CELF2: variants seen among roughly 807,000 people sequenced by gnomAD.
The protein encoded by CELF2 is CUGBP Elav-like family member 2.
A neutral mutation model predicts 62.6 loss-of-function variants in CELF2; 8 were observed. That is an observed-to-expected ratio of 0.13 (90% CI 0.07 to 0.23). CELF2 has a LOEUF of 0.23. Among genes scored for constraint, CELF2 ranks in the 10% least tolerant of loss-of-function variants. The pLI, the probability that CELF2 is intolerant of heterozygous loss-of-function variation, is 1.00. For synonymous variants in CELF2, 258 were observed against 250.0 expected, an observed-to-expected ratio of 1.03 and a Z score of -0.30; for missense variants, 333 against 671.0, an observed-to-expected ratio of 0.50 and a Z score of 5.56.
the CELF2 span, among the ~76,000 whole-genome samples, chr10:10,654,150 C>A: frequency 7.3e-6 from 1 of 136,540 alleles, no homozygotes; most frequent in Non-Finnish European, 1.6e-5. Context: ...CACATACACT[C>A]TCCCAAGACT....
rs1303692770 is a variant in CELF2, at chr10:11,098,170, C to T, written c.75-67316C>T. The T allele has an allele frequency of 6.6e-6, 1 of 152,282 alleles. No individual in the cohort carries two copies. The highest frequency in any genetic ancestry group is 1.5e-5 in the Non-Finnish European group (1 of 68,170). 9.4% of individuals were successfully genotyped at this position (152,282 alleles called of 1,614,324 possible). A position where few individuals can be genotyped will look rare whatever the true frequency, so the allele number is the denominator to read the frequency against. On this transcript the variant is annotated intron_variant, in intron 1 of 12. Transcript: ENST00000633077. This position sits in a 1 kb window ranked among gnomAD's most constrained non-coding sequence, Gnocchi z 4.0. ...GAAGGATGAGGTGTGTTTCGTATGC[C>T]CATATTTTGGATTGGATGGACCAAG...
chr10:10,707,179 A>G, the CELF2 span, among the ~76,000 whole-genome samples: 2 of 152,338 alleles, frequency 1.3e-5, no homozygotes, highest in East Asian at 1.9e-4. Context: ...TGAGTACTCT[A>G]GTAAAACTAT....
At chr10:10,498,295 C>T in the CELF2 span, among the ~76,000 whole-genome samples, 1 of 152,158 alleles carries the variant, frequency 6.6e-6, no homozygotes, top group Admixed American at 6.5e-5. Flanking sequence ...TGCAGACTCA[C>T]AGTAAGGAGA....
intron 1 of CELF2, among the ~76,000 whole-genome samples, chr10:10,809,593 C>T (rs868143691): frequency 2.6e-5 from 4 of 152,226 alleles, no homozygotes; most frequent in South Asian, 2.1e-4. Context: ...AGTATATAAA[C>T]TTAAGCTAAC....
At chr10:11,298,546 T>C (rs1025682607) in intron 9 of CELF2, among the ~76,000 whole-genome samples, 1 of 152,174 alleles carries the variant, frequency 6.6e-6, no homozygotes, top group Non-Finnish European at 1.5e-5. Context: ...TAACAGAGGA[T>C]TTCTAATTAT....
chr10:10,494,768 A>G, the CELF2 span, among the ~76,000 whole-genome samples: 4 of 152,184 alleles, frequency 2.6e-5, no homozygotes, highest in South Asian at 6.2e-4. Context: ...AAAGGCCTCT[A>G]TAAAAAATAA....
the CELF2 span, among the ~76,000 whole-genome samples, chr10:10,699,947 G>A: frequency 2.7e-4 from 41 of 152,258 alleles, no homozygotes; most frequent in African/African-American, 9.4e-4. Context: ...CTACGTAGAA[G>A]CAGCAGAGGC....
At chr10:10,955,909 C>T (rs937408517) in intron 2 of CELF2, among the ~76,000 whole-genome samples, 3 of 152,158 alleles carry the variant, frequency 2.0e-5, no homozygotes, top group Non-Finnish European at 4.4e-5. Context: ...TTGCTAGCAT[C>T]CCATGCCCGA....
chr10:10,811,476 A>C (rs2055880855), intron 1 of CELF2, among the ~76,000 whole-genome samples: 1 of 152,114 alleles, frequency 6.6e-6, no homozygotes, highest in African/African-American at 2.4e-5. Flanking sequence ...TCTCCCACAG[A>C]GATGGGGGGA....
chr10:11,146,481 G>A (rs2062302831), intron 1 of CELF2, among the ~76,000 whole-genome samples: 1 of 152,182 alleles, frequency 6.6e-6, no homozygotes, highest in Non-Finnish European at 1.5e-5. Context: ...ATCTAAACAA[G>A]CAATTTGTTT....
At chr10:10,855,168 T>C (rs1328941044) in intron 1 of CELF2, among the ~76,000 whole-genome samples, 3 of 152,184 alleles carry the variant, frequency 2.0e-5, no homozygotes, top group Non-Finnish European at 2.9e-5. Context: ...ATCAGTTTTC[T>C]CAGTGCTCAC....
At chr10:10,877,764 C>T (rs1177658477) in intron 1 of CELF2, among the ~76,000 whole-genome samples, 1 of 152,192 alleles carries the variant, frequency 6.6e-6, no homozygotes, top group Non-Finnish European at 1.5e-5. Flanking sequence ...CATTTTACTG[C>T]CATCCTTAGA....
chr10:10,691,171 A>T, the CELF2 span, among the ~76,000 whole-genome samples: 1 of 146,400 alleles, frequency 6.8e-6, no homozygotes, highest in African/African-American at 2.6e-5. Flanking sequence ...CCCACCCCAC[A>T]ACAGTCCCCA....
the CELF2 span, among the ~76,000 whole-genome samples, chr10:10,644,914 T>C: frequency 5.4e-4 from 82 of 152,144 alleles, 1 homozygote; most frequent in East Asian, 0.014. Flanking sequence ...ATATTGAAAA[T>C]CTCAGTGACA....
At chr10:10,929,317 T>C (rs1203138729) in intron 2 of CELF2, among the ~76,000 whole-genome samples, 1 of 152,168 alleles carries the variant, frequency 6.6e-6, no homozygotes, top group Non-Finnish European at 1.5e-5. Context: ...ATTTATAACA[T>C]TGGAAGAATT....
intron 1 of CELF2, among the ~76,000 whole-genome samples, chr10:10,809,350 G>A (rs1261201083): frequency 2.0e-5 from 3 of 152,178 alleles, no homozygotes; most frequent in African/African-American, 4.8e-5. Flanking sequence ...CACTTGTACT[G>A]TTTAAGCCAC....
At position 10,997,678 on chromosome 10, in the gene CELF2, G is replaced by A. The variant is rs545464026; in HGVS notation, c.89+77679G>A. 6.6e-4 allele frequency among the ~76,000 whole-genome samples: 100 copies of A among 152,248 alleles called. 1 individual carries two copies. Among genetic ancestry groups the A allele is most frequent in the Non-Finnish European group, 1.3e-3 (86 of 68,014 alleles). On this transcript the variant is annotated intron_variant, in intron 2 of 13. Coordinates refer to the CELF2 transcript ENST00000636488. This position sits in a 1 kb window ranked among gnomAD's most constrained non-coding sequence, Gnocchi z 5.3. ...CTCTAAAAATAGCAAGAATAAATTC[G>A]GTCCCTTTTCCACATAAATATTACA...
chr10:11,173,011 G>A (rs2069475764), intron 2 of CELF2, among the ~76,000 whole-genome samples: 1 of 152,238 alleles, frequency 6.6e-6, no homozygotes, highest in South Asian at 2.1e-4. Context: ...GATTGAAAAA[G>A]TGAAGTCTAG....
Position 11,296,564 on chromosome 10 carries a change from T to C in CELF2, c.976+8012T>C, listed in dbSNP as rs1400264023. 6.6e-6 allele frequency among the ~76,000 whole-genome samples: 1 copy of C among 152,202 alleles called. No homozygotes were observed. Among genetic ancestry groups the C allele is most frequent in the Admixed American group, 6.5e-5 (1 of 15,284 alleles). Reference sequence around the variant, plus strand: ...CTAGTCACAACTTCCCAGAAGCGTATACTGTAAGTTCCATTTCTTCAGACT... The same window carrying C: ...CTAGTCACAACTTCCCAGAAGCGTACACTGTAAGTTCCATTTCTTCAGACT... On this transcript the variant is annotated intron_variant, in intron 9 of 12. Coordinates refer to ENST00000633077, the MANE Select transcript of CELF2 (RefSeq NM_001326342.2). The surrounding 1 kb of genome is among the most constrained non-coding windows in gnomAD (Gnocchi z 5.0).
Sources: allele counts gnomAD v4.1 joint callset (sites outside exome capture counted in the v4.1 genomes callset), GRCh38; gene constraint gnomAD v4.1.1; non-coding constraint Gnocchi (gnomAD v3.1); transcripts MANE v1.5; gene names NCBI Gene and HGNC (gene_info 2026-07-23, HGNC 2026-07-21).